The following SORD variants were observed in gnomAD, a reference collection of about 807,000 sequenced individuals.
The protein encoded by SORD is sorbitol dehydrogenase, also known as (R,R)-butanediol dehydrogenase.
A neutral mutation model predicts 35.6 loss-of-function variants in SORD; 18 were observed. The observed-to-expected ratio is 0.51, with a 90% CI of 0.35 to 0.75. The LOEUF (loss-of-function observed/expected upper bound fraction) is 0.75, where lower values mean the gene tolerates loss of function less well. Ranked by LOEUF, SORD falls within the 30% of genes least tolerant of loss-of-function variation. The probability of loss-of-function intolerance (pLI) is 0.01; values close to 1 mark genes in which losing one functional copy is unlikely to be tolerated. For missense variants in SORD, 250 were observed against 390.2 expected (o/e 0.64, Z 3.03); for synonymous variants, 106 against 152.9 (o/e 0.69, Z 2.26).
chr15:45,063,394 G>A (rs1434641928), intron 4 of SORD, among the ~76,000 whole-genome samples: 2 of 151,704 alleles, frequency 1.3e-5, no homozygotes, highest in Non-Finnish European at 2.9e-5. Context: ...TGAAAGGTTG[G>A]GGCTGGGAAG....
chr15:45,041,494 C>A (rs1487706681), intron 2 of SORD, among the ~76,000 whole-genome samples: 1 of 152,014 alleles, frequency 6.6e-6, no homozygotes, highest in East Asian at 1.9e-4. Flanking sequence ...AGATCAAAGG[C>A]GGCTTTCCTG....
chr15:45,064,311 A>G (rs1209500415), intron 4 of SORD, among the ~76,000 whole-genome samples: 1 of 152,136 alleles, frequency 6.6e-6, no homozygotes, highest in East Asian at 1.9e-4. Context: ...AACCTTGGCA[A>G]TTCTCTTAAT....
intron 1 of SORD, among the ~76,000 whole-genome samples, chr15:45,026,843 TGG>T (rs1892678565): frequency 6.6e-6 from 1 of 151,654 alleles, no homozygotes; most frequent in African/African-American, 2.4e-5. Flanking sequence ...AGCCAGCGTC[TGG>T]GGCAGTGGTT....
At chr15:45,028,859 T>G (rs1262129702) in intron 1 of SORD, among the ~76,000 whole-genome samples, 1 of 145,986 alleles carries the variant, frequency 6.8e-6, no homozygotes, top group African/African-American at 2.7e-5. Flanking sequence ...TATACTTTAC[T>G]GTTAAGATTT....
intron 5 of SORD, among the ~76,000 whole-genome samples, chr15:45,067,886 G>T (rs534649113): frequency 6.6e-6 from 1 of 152,276 alleles, no homozygotes; most frequent in Admixed American, 6.5e-5. Context: ...TGAATCCTGT[G>T]GTTCTTTGAG....
chr15:45,041,620 T>C (rs556141247), intron 2 of SORD: 9 of 152,298 alleles, frequency 5.9e-5, no homozygotes, highest in Admixed American at 2.0e-4. Flanking sequence ...TATTGTATAG[T>C]TAGGGTTCAA....
chr15:45,056,577 A>C (rs1893220644), intron 3 of SORD, among the ~76,000 whole-genome samples: 1 of 152,182 alleles, frequency 6.6e-6, no homozygotes, highest in Non-Finnish European at 1.5e-5. Flanking sequence ...TAACTTATAG[A>C]TTCTATTTGA....
chr15:45,062,998 T>C (rs1445449441), intron 4 of SORD, among the ~76,000 whole-genome samples: 5 of 148,298 alleles, frequency 3.4e-5, no homozygotes, highest in African/African-American at 1.3e-4. Context: ...GGCCTAGTGG[T>C]CTGGGCATGG....
intron 1 of SORD, among the ~76,000 whole-genome samples, chr15:45,040,044 C>G (rs1892941573): frequency 6.6e-6 from 1 of 151,986 alleles, no homozygotes; most frequent in Non-Finnish European, 1.5e-5. Context: ...TTAGGATTGG[C>G]CTTTGGCTTG....
chr15:45,062,889 A>C (rs902967731), intron 4 of SORD, among the ~76,000 whole-genome samples: 1 of 143,590 alleles, frequency 7.0e-6, no homozygotes, highest in Non-Finnish European at 1.5e-5. Flanking sequence ...TCACAGAATT[A>C]CTGATGAGAT....
rs947434361 is a variant in SORD, at chr15:45,054,472, G to A, written c.266-6595G>A. Among the ~76,000 whole-genome samples the A allele has an allele frequency of 1.9e-3, 290 of 152,256 alleles. 1 individual carries two copies. The highest frequency in any genetic ancestry group is 2.9e-3 in the Non-Finnish European group (198 of 68,022). The stretch of plus-strand genomic sequence containing the variant: ...TGAGAAGTGTCTGTTCATGTCCTTC[G>A]CCCACTTTTTGATGGGGTTGTTTGT... On this transcript the variant is annotated intron_variant, in intron 3 of 8. Transcript: ENST00000267814.
chr15:45,026,286 G>T (rs186006030), intron 1 of SORD, among the ~76,000 whole-genome samples: 3 of 152,306 alleles, frequency 2.0e-5, no homozygotes, highest in East Asian at 3.9e-4. Context: ...CAATCCTGGG[G>T]AAGCTTTGAG....
intron 3 of SORD, chr15:45,058,413 A>G (rs1454331097): frequency 1.3e-5 from 2 of 152,106 alleles, no homozygotes; most frequent in Non-Finnish European, 2.9e-5. Flanking sequence ...AGTCTTACAG[A>G]TCTGGTGGCT....
chr15:45,031,117 G>A (rs1240231259), intron 1 of SORD, among the ~76,000 whole-genome samples: 1 of 152,242 alleles, frequency 6.6e-6, no homozygotes, highest in African/African-American at 2.4e-5. Context: ...CTTGAGGCCA[G>A]GAGTTTGAGA....
At chr15:45,061,045 C>T (rs773024750) in intron 3 of SORD, 22 bp from the exon 4 acceptor site, 3 of 1,613,978 alleles carry the variant, frequency 1.9e-6, no homozygotes, top group Non-Finnish European at 2.5e-6. Flanking sequence ...GGACATGGTG[C>T]CATCTTTGTT....
intron 8 of SORD, among the ~76,000 whole-genome samples, chr15:45,072,840 C>T (rs2141129481): frequency 7.0e-6 from 1 of 142,410 alleles, no homozygotes; most frequent in Non-Finnish European, 1.5e-5. Context: ...CTAGGGCCCA[C>T]CCTGGGGAGC....
chr15:45,074,384 A>G lies in SORD; in HGVS notation c.*854A>G, dbSNP rs1265830088. 6.8e-6 allele frequency: 1 copy of G among 146,834 alleles called. No individual in the cohort carries two copies. The highest frequency in any genetic ancestry group is 1.9e-4 in the East Asian group (1 of 5,170). The allele number at this position is 146,834 out of a possible 1,614,324, so 9.1% of individuals were successfully genotyped here. Reference sequence around the variant, plus strand: ...GACCAGGAGGGTTTGGTTAGCTCACAGGACTTCCCCCACCCCAGAAGATTA... The same window carrying G: ...GACCAGGAGGGTTTGGTTAGCTCACGGGACTTCCCCCACCCCAGAAGATTA... On this transcript the variant is annotated 3_prime_UTR_variant, in exon 9 of 9. Transcript: ENST00000267814.
At chr15:45,050,697 G>A (rs1034119379) in intron 3 of SORD, 9 of 152,136 alleles carry the variant, frequency 5.9e-5, no homozygotes, top group Admixed American at 2.0e-4. Flanking sequence ...TTCTTACTGC[G>A]CTGATGGAAA....
chr15:45,057,734 G>C (rs1893239862), intron 3 of SORD, among the ~76,000 whole-genome samples: 2 of 152,162 alleles, frequency 1.3e-5, no homozygotes. Flanking sequence ...AGTGAGCCCA[G>C]ATTGCACCAC....
Sources: allele counts gnomAD v4.1 joint callset (sites outside exome capture counted in the v4.1 genomes callset), GRCh38; gene constraint gnomAD v4.1.1; transcripts MANE v1.5; gene names NCBI Gene and HGNC (gene_info 2026-07-23, HGNC 2026-07-21).